Variants in ZNF804B observed in about 807,000 individuals in gnomAD.
ZNF804B encodes zinc finger 804B.
Under a neutral mutation model 101.4 loss-of-function variants are expected in ZNF804B, and 80 were observed. The ratio of observed to expected loss-of-function variants is 0.79; its 90% CI spans 0.66 to 0.95. ZNF804B has a LOEUF of 0.95. Among genes scored for constraint, ZNF804B ranks in the 40% least tolerant of loss-of-function variants. The probability of loss-of-function intolerance (pLI) is 0.00; values close to 1 mark genes in which losing one functional copy is unlikely to be tolerated. For synonymous variants in ZNF804B, 622 were observed against 558.8 expected, an observed-to-expected ratio of 1.11 and a Z score of -1.59; for missense variants, 1,673 against 1,561.9, an observed-to-expected ratio of 1.07 and a Z score of -1.20.
chr7:89,148,157 C>T, intron 1 of ZNF804B, among the ~76,000 whole-genome samples: 1 of 152,048 alleles, frequency 6.6e-6, no homozygotes, highest in Admixed American at 6.6e-5. Flanking sequence ...TGAGACAAAT[C>T]TATTAAACTT....
intron 1 of ZNF804B, among the ~76,000 whole-genome samples, chr7:88,775,998 G>A (rs138965562): frequency 1.1e-3 from 163 of 152,298 alleles, no homozygotes; most frequent in African/African-American, 3.4e-3. Flanking sequence ...TACAGGTATT[G>A]ATTTTAGAGT....
chr7:89,269,255 T>A (rs1273007137), intron 2 of ZNF804B, among the ~76,000 whole-genome samples: 4 of 152,118 alleles, frequency 2.6e-5, no homozygotes, highest in African/African-American at 9.7e-5. Flanking sequence ...GATGTTCCCC[T>A]TCCTGTGTCC....
intron 1 of ZNF804B, among the ~76,000 whole-genome samples, chr7:88,935,067 A>G (rs1004388203): frequency 9.2e-5 from 14 of 151,654 alleles, no homozygotes; most frequent in African/African-American, 2.9e-4. Flanking sequence ...ACACATACAC[A>G]CATACACATA....
At chr7:89,074,767 C>T (rs563584536) in intron 1 of ZNF804B, among the ~76,000 whole-genome samples, 1 of 152,188 alleles carries the variant, frequency 6.6e-6, no homozygotes, top group South Asian at 2.1e-4. Flanking sequence ...CAGAAGAAGA[C>T]AGGAAAATAT....
intron 1 of ZNF804B, among the ~76,000 whole-genome samples, chr7:88,972,011 G>A (rs754459483): frequency 2.6e-4 from 40 of 151,358 alleles, no homozygotes; most frequent in Non-Finnish European, 4.0e-4. Context: ...TTGACATAGT[G>A]ATATATTGAG....
chr7:89,146,265 G>A (rs1355725063), intron 1 of ZNF804B, among the ~76,000 whole-genome samples: 4 of 152,014 alleles, frequency 2.6e-5, no homozygotes, highest in African/African-American at 4.8e-5. Flanking sequence ...GTAGGATGTA[G>A]TAATGTACCC....
chr7:89,210,756 T>A (rs754488107), intron 1 of ZNF804B, among the ~76,000 whole-genome samples: 9 of 152,202 alleles, frequency 5.9e-5, no homozygotes, highest in Non-Finnish European at 1.0e-4. Context: ...TGATGGGCAT[T>A]TGAGTTGATT....
At chr7:89,197,741 T>A (rs1788577068) in intron 1 of ZNF804B, among the ~76,000 whole-genome samples, 1 of 151,924 alleles carries the variant, frequency 6.6e-6, no homozygotes. Flanking sequence ...CCTTTTCTTG[T>A]TATAATAGTA....
At chr7:89,178,226 A>G (rs1584034944) in intron 1 of ZNF804B, among the ~76,000 whole-genome samples, 1 of 150,444 alleles carries the variant, frequency 6.6e-6, no homozygotes, top group East Asian at 2.0e-4. Flanking sequence ...CCATTTACAT[A>G]CTCTATGTCT....
chr7:88,948,115 C>A (rs978477904), intron 1 of ZNF804B, among the ~76,000 whole-genome samples: 1 of 151,796 alleles, frequency 6.6e-6, no homozygotes, highest in Non-Finnish European at 1.5e-5. Context: ...AGGAGACTTT[C>A]CAGATCTCCT....
chr7:89,071,063 C>A (rs1054638701), intron 1 of ZNF804B, among the ~76,000 whole-genome samples: 1 of 151,994 alleles, frequency 6.6e-6, no homozygotes, highest in Non-Finnish European at 1.5e-5. Context: ...TTTAAATCAT[C>A]CCTAAATTAC....
rs962917740 is a variant in ZNF804B, at chr7:89,325,909, T to C, written c.250-1435T>C. 8.5e-5 allele frequency among the ~76,000 whole-genome samples: 13 copies of C among 152,116 alleles called. No homozygotes were observed. The South Asian group carries it at 1.4e-3, about 17-fold the overall frequency. On this transcript the variant is annotated intron_variant, in intron 2 of 3. Transcript: ENST00000333190. The stretch of plus-strand genomic sequence containing the variant: ...ACAATTTCCAAAAGGTCTTTGCTTG[T>C]AAGACAAGGCTTCACTCTAAGAAAT...
chr7:89,235,489 T>A (rs945353088), intron 2 of ZNF804B, among the ~76,000 whole-genome samples: 1 of 152,200 alleles, frequency 6.6e-6, no homozygotes, highest in Admixed American at 6.5e-5. Context: ...AATAATTCCA[T>A]ATGTTTCAAA....
intron 1 of ZNF804B, among the ~76,000 whole-genome samples, chr7:88,783,992 A>C (rs750070338): frequency 5.9e-5 from 9 of 152,298 alleles, no homozygotes; most frequent in Middle Eastern, 3.4e-3. Context: ...TACAGAGATA[A>C]ATGGTTCATG....
At chr7:88,992,009 T>C (rs1011250954) in intron 1 of ZNF804B, among the ~76,000 whole-genome samples, 2 of 152,200 alleles carry the variant, frequency 1.3e-5, no homozygotes, top group African/African-American at 4.8e-5. Context: ...TTCTCAGGTA[T>C]CATAAAGCCT....
At chr7:89,141,782 G>A (rs977057604) in intron 1 of ZNF804B, among the ~76,000 whole-genome samples, 16 of 151,582 alleles carry the variant, frequency 1.1e-4, no homozygotes, top group African/African-American at 3.1e-4. Flanking sequence ...ATATATGGGA[G>A]ATTTGTAAGT....
At chr7:88,868,239 T>C (rs895282234) in intron 1 of ZNF804B, among the ~76,000 whole-genome samples, 3 of 152,124 alleles carry the variant, frequency 2.0e-5, no homozygotes, top group African/African-American at 7.2e-5. Flanking sequence ...CCCTTCCTTC[T>C]ATCCCTTATT....
chr7:89,171,362 C>CTCTTCCTCT (rs796739158), intron 1 of ZNF804B, among the ~76,000 whole-genome samples: 6,190 of 83,774 alleles, frequency 0.074, 344 homozygotes, highest in Admixed American at 0.11. Flanking sequence ...CTTCTTCCTC[C>CTCTTCCTCT]TCTTCCTCTT....
At chr7:88,892,661 A>G (rs1792230710) in intron 1 of ZNF804B, among the ~76,000 whole-genome samples, 1 of 152,164 alleles carries the variant, frequency 6.6e-6, no homozygotes, top group South Asian at 2.1e-4. Context: ...GAAAAGTCCT[A>G]GCCATTACTT....
Sources: allele counts gnomAD v4.1 joint callset (sites outside exome capture counted in the v4.1 genomes callset), GRCh38; gene constraint gnomAD v4.1.1; transcripts MANE v1.5; gene names NCBI Gene and HGNC (gene_info 2026-07-23, HGNC 2026-07-21).